Variants in HGD observed in about 807,000 individuals in gnomAD.
The protein encoded by HGD is homogentisate 1,2-dioxygenase, also known as homogentisate oxidase.
HGD carries 61 observed loss-of-function variants against 60.8 expected under a neutral mutation model. The ratio of observed to expected loss-of-function variants is 1.00; its 90% CI spans 0.82 to 1.24. HGD has a LOEUF of 1.24. Among genes scored for constraint, HGD ranks in the 50% most tolerant of loss-of-function variants. The probability of loss-of-function intolerance (pLI) is 0.00; values close to 1 mark genes in which losing one functional copy is unlikely to be tolerated. For missense variants in HGD, 542 were observed against 547.1 expected (o/e 0.99, Z 0.09); for synonymous variants, 212 against 187.7 (o/e 1.13, Z -1.06).
At chr3:120,630,825 T>TATATATATATATATATACAC (rs1491569082) in intron 13 of HGD, among the ~76,000 whole-genome samples, 1 of 104,118 alleles carries the variant, frequency 9.6e-6, no homozygotes, top group African/African-American at 4.6e-5. Flanking sequence ...TATATATATA[T>TATATATATATATATATACAC]ACACATACAC....
Position 120,674,936 on chromosome 3 carries a change from C to A in HGD, c.141G>T (p.Ser47=). Residue 47 remains serine, a synonymous_variant, in exon 3 of 14, where the codon TCG becomes TCT. Coordinates refer to ENST00000283871, the MANE Select transcript of HGD (RefSeq NM_000187.4). ...TGGTGCTCCGTGGACAAGTGAAAGCCGATCCTGAGAGCTGCTCAGCATAGA... is the reference window on the plus strand; with the variant it reads ...TGGTGCTCCGTGGACAAGTGAAAGCAGATCCTGAGAGCTGCTCAGCATAGA... ...YNLYAEQLSG[S]AFTCPRSTNK... The A allele has an allele frequency of 6.2e-7, 1 of 1,611,930 alleles. No individual in the cohort carries two copies. Among genetic ancestry groups the A allele is most frequent in the Non-Finnish European group, 8.5e-7 (1 of 1,178,316 alleles).
chr3:120,659,462 A>T (rs901236631), intron 4 of HGD, among the ~76,000 whole-genome samples: 1 of 152,240 alleles, frequency 6.6e-6, no homozygotes, highest in African/African-American at 2.4e-5. Flanking sequence ...TTGCTAAGGC[A>T]TAACAAGTTT....
chr3:120,651,641 C>T (rs569791096), intron 5 of HGD, among the ~76,000 whole-genome samples: 3 of 152,172 alleles, frequency 2.0e-5, no homozygotes, highest in Non-Finnish European at 2.9e-5. Flanking sequence ...TCCTATGGCT[C>T]GGCACTTGGA....
At chr3:120,640,163 A>C (rs974472597) in intron 11 of HGD, among the ~76,000 whole-genome samples, 1 of 148,748 alleles carries the variant, frequency 6.7e-6, no homozygotes, top group Non-Finnish European at 1.5e-5. Flanking sequence ...GGAAGGAAGG[A>C]AGGAGCATAT....
At chr3:120,679,853 A>C (rs200867800) in intron 1 of HGD, among the ~76,000 whole-genome samples, 1 of 152,220 alleles carries the variant, frequency 6.6e-6, no homozygotes, top group East Asian at 1.9e-4. Flanking sequence ...TAGCCCAGTG[A>C]AACCGATTTC....
intron 12 of HGD, chr3:120,633,739 T>C: frequency 2.0e-6 from 1 of 500,488 alleles, no homozygotes; most frequent in Middle Eastern, 6.6e-4. Context: ...GTAGCTCCAC[T>C]GTAGGACACA....
chr3:120,674,739 G>A (rs899576680), intron 3 of HGD, 162 bp downstream of exon 3: 1 of 638,412 alleles, frequency 1.6e-6, no homozygotes, highest in South Asian at 1.5e-5. Context: ...GGTGCTAGCT[G>A]GCAGGAAGTT....
At chr3:120,656,465 C>T (rs1941497648) in intron 4 of HGD, among the ~76,000 whole-genome samples, 1 of 151,798 alleles carries the variant, frequency 6.6e-6, no homozygotes, top group Non-Finnish European at 1.5e-5. Flanking sequence ...CTATAGTAGG[C>T]ATTAATATTT....
At chr3:120,675,536 T>C (rs2551557) in intron 2 of HGD, among the ~76,000 whole-genome samples, 69,826 of 151,984 alleles carry the variant, frequency 0.46, 16,961 homozygotes, top group African/African-American at 0.61. Context: ...TCTCTTTAAC[T>C]CTGGATTTTT....
intron 12 of HGD, among the ~76,000 whole-genome samples, chr3:120,636,588 T>G (rs1361357363): frequency 6.6e-6 from 1 of 152,182 alleles, no homozygotes; most frequent in Admixed American, 6.5e-5. Context: ...GTCACTAACT[T>G]CCAGGAGGAG....
At chr3:120,661,070 C>A (rs1707752380) in intron 4 of HGD, among the ~76,000 whole-genome samples, 1 of 152,136 alleles carries the variant, frequency 6.6e-6, no homozygotes, top group Non-Finnish European at 1.5e-5. Context: ...AGTGAAAAAA[C>A]TGATGGTTTA....
At chr3:120,632,182 C>T (rs964251896) in intron 13 of HGD, among the ~76,000 whole-genome samples, 2 of 152,120 alleles carry the variant, frequency 1.3e-5, no homozygotes, top group African/African-American at 2.4e-5. Context: ...AACTCTGGCT[C>T]CAGGGTTGGG....
rs144851603 is a variant in HGD at position 120,666,019 on chromosome 3, T to C, written c.282+4408A>G. Among the ~76,000 whole-genome samples, 1,094 of 152,128 alleles carry C rather than the reference T, an allele frequency of 7.2e-3. 14 individuals carry two copies. Among genetic ancestry groups the C allele is most frequent in the African/African-American group, 0.025 (1,039 of 41,468 alleles). On this transcript the variant is annotated intron_variant, in intron 4 of 13. Coordinates refer to ENST00000283871, the MANE Select transcript of HGD (RefSeq NM_000187.4). ...AATGCTGTGGTTAAATAATGAAGTA[T>C]AAAATTGGAAAGAGATATTAACTTG...
At chr3:120,682,013 C>T (rs1708238065) in intron 1 of HGD, 84 bp downstream of exon 1, 2 of 1,328,058 alleles carry the variant, frequency 1.5e-6, no homozygotes, top group Middle Eastern at 3.6e-4. Context: ...AAGTCTTTTC[C>T]AACTCTGATA....
chr3:120,635,247 GC>G lies in HGD; in HGVS notation c.1007-1920del, dbSNP rs537069819. Reference sequence around the variant, plus strand: ...AATCCCAGCACTTTGGGAGGCCGAGGCGGGTGGATCACGAGGTCAAGAGATC... The same window carrying G: ...AATCCCAGCACTTTGGGAGGCCGAGGGGGTGGATCACGAGGTCAAGAGATC... On this transcript the variant is annotated intron_variant, in intron 12 of 13. Coordinates refer to ENST00000283871, the MANE Select transcript of HGD (RefSeq NM_000187.4). 2.2e-4 allele frequency among the ~76,000 whole-genome samples: 34 copies of G among 152,256 alleles called. No homozygotes were observed. In the South Asian group the frequency reaches 5.6e-3, roughly 25 times the overall value.
intron 11 of HGD, among the ~76,000 whole-genome samples, chr3:120,639,844 G>A (rs975139110): frequency 6.6e-6 from 1 of 151,862 alleles, no homozygotes; most frequent in African/African-American, 2.4e-5. Context: ...AGATAGGATA[G>A]GTTGAGGGAC....
At chr3:120,676,049 T>C (rs1376878096) in intron 1 of HGD, among the ~76,000 whole-genome samples, 186 bp from the exon 2 acceptor site, 1 of 152,190 alleles carries the variant, frequency 6.6e-6, no homozygotes, top group Non-Finnish European at 1.5e-5. Flanking sequence ...TTTCTGTGAA[T>C]TTTAAAGACT....
At chr3:120,667,702 G>A (rs1339720175) in intron 4 of HGD, among the ~76,000 whole-genome samples, 4 of 152,136 alleles carry the variant, frequency 2.6e-5, no homozygotes, top group African/African-American at 9.7e-5. Context: ...TGATCGACAT[G>A]AGCAGGCAGG....
intron 4 of HGD, among the ~76,000 whole-genome samples, chr3:120,655,343 A>C (rs1941462268): frequency 6.6e-6 from 1 of 152,218 alleles, no homozygotes; most frequent in African/African-American, 2.4e-5. Flanking sequence ...CATACCTTCA[A>C]TAGGGCCCAC....
Sources: allele counts gnomAD v4.1 joint callset (sites outside exome capture counted in the v4.1 genomes callset), GRCh38; gene constraint gnomAD v4.1.1; transcripts MANE v1.5; gene names NCBI Gene and HGNC (gene_info 2026-07-23, HGNC 2026-07-21).